Variants in TCEA1 observed in about 807,000 individuals in gnomAD.
TCEA1 encodes transcription elongation factor A protein 1.
A neutral mutation model predicts 43.8 loss-of-function variants in TCEA1; 21 were observed. The observed-to-expected ratio is 0.48, with a 90% CI of 0.34 to 0.69. The LOEUF is 0.69. TCEA1 is among the 30% of genes least tolerant of loss of function. The pLI, the probability that TCEA1 is intolerant of heterozygous loss-of-function variation, is 0.01. For missense variants in TCEA1, 250 were observed against 365.1 expected, an observed-to-expected ratio of 0.68 and a Z score of 2.57; for synonymous variants, 104 against 117.5, an observed-to-expected ratio of 0.88 and a Z score of 0.75.
intron 3 of TCEA1, among the ~76,000 whole-genome samples, chr8:53,997,547 C>A (rs1027668561): frequency 6.6e-6 from 1 of 152,096 alleles, no homozygotes; most frequent in Non-Finnish European, 1.5e-5. Flanking sequence ...GGATGTACAA[C>A]CTGATCTAAT....
At chr8:53,988,020 G>C in intron 5 of TCEA1, 94 bp downstream of exon 5, 1 of 1,479,778 alleles carries the variant, frequency 6.8e-7, no homozygotes, top group South Asian at 1.3e-5. Context: ...GCTATCCACA[G>C]GGTAACACTC....
chr8:54,010,222 GT>G (rs1357312020), intron 2 of TCEA1: 1 of 446,728 alleles, frequency 2.2e-6, no homozygotes, highest in East Asian at 4.7e-5. Context: ...AGAGATTCAG[GT>G]TTTATTCTCC....
intron 5 of TCEA1, 147 bp from the exon 6 acceptor site, chr8:53,987,172 C>G: frequency 1.4e-6 from 1 of 694,952 alleles, no homozygotes; most frequent in Non-Finnish European, 2.5e-6. Flanking sequence ...AGAATCTGAT[C>G]ACTTCACTGC....
chr8:53,983,379 T>C (rs955068157), intron 7 of TCEA1, among the ~76,000 whole-genome samples: 2 of 152,256 alleles, frequency 1.3e-5, no homozygotes, highest in Non-Finnish European at 2.9e-5. Context: ...CTCTCTTCAA[T>C]GTTCACTAAA....
intron 2 of TCEA1, among the ~76,000 whole-genome samples, chr8:54,009,144 C>T (rs1482646932): frequency 1.3e-5 from 2 of 150,034 alleles, no homozygotes; most frequent in East Asian, 2.0e-4. Flanking sequence ...GCGCCTGGCC[C>T]GGATGGCTAC....
chr8:53,970,474 A>G lies in TCEA1; in HGVS notation c.826-11T>C, dbSNP rs373392457. The G allele has an allele frequency of 5.4e-5, 85 of 1,575,222 alleles. No individual in the cohort carries two copies. The highest frequency in any genetic ancestry group is 7.1e-5 in the Non-Finnish European group (82 of 1,151,684). On this transcript the variant is annotated splice_polypyrimidine_tract_variant and intron_variant, in intron 8 of 9. Coordinates refer to ENST00000521604, the MANE Select transcript of TCEA1 (RefSeq NM_006756.4). ...ACTACGGGTTTGTACCTGCAGCAAA[A>G]TTAAATTAAATGTACTTTTTGCAGT...
At chr8:54,016,952 C>G (rs1167185651) in intron 1 of TCEA1, among the ~76,000 whole-genome samples, 2 of 127,326 alleles carry the variant, frequency 1.6e-5, no homozygotes, top group Non-Finnish European at 3.1e-5. Flanking sequence ...CCAGCCTGAG[C>G]GACAGAGCAA....
At chr8:53,975,156 G>C (rs1803291275) in intron 8 of TCEA1, among the ~76,000 whole-genome samples, 1 of 152,050 alleles carries the variant, frequency 6.6e-6, no homozygotes, top group African/African-American at 2.4e-5. Flanking sequence ...TTTTAAAAGA[G>C]AGGGAAATGC....
rs534185784 is a variant in TCEA1, at chr8:53,966,970, A to G, written c.*1134T>C. 0.03 allele frequency: 6,135 copies of G among 201,912 alleles called. 391 individuals are homozygous for G. The highest frequency in any genetic ancestry group is 0.13 in the African/African-American group (5,786 of 43,452). 12.5% of individuals were successfully genotyped at this position (201,912 alleles called of 1,614,324 possible). ...CAAAACAATTTTTGTCTTACTCCAA[A>G]CAGAAAAAATGGTACACACTTTAAC... On this transcript the variant is annotated 3_prime_UTR_variant, in exon 10 of 10. Transcript: ENST00000521604.
chr8:53,996,520 G>A (rs1156590501), intron 3 of TCEA1, among the ~76,000 whole-genome samples: 1 of 152,194 alleles, frequency 6.6e-6, no homozygotes, highest in African/African-American at 2.4e-5. Flanking sequence ...AGTAGCAGTA[G>A]TAGTAAATGT....
intron 2 of TCEA1, among the ~76,000 whole-genome samples, chr8:54,004,597 T>G (rs7846650): frequency 0.13 from 19,186 of 152,096 alleles, 3,192 homozygotes; most frequent in African/African-American, 0.39. Context: ...ACAGAAAGAT[T>G]AGTGGTTGCC....
chr8:54,015,034 A>G (rs1804778156), intron 1 of TCEA1, among the ~76,000 whole-genome samples: 2 of 152,164 alleles, frequency 1.3e-5, no homozygotes, highest in African/African-American at 4.8e-5. Context: ...TACCATAACA[A>G]TAATCTCCAG....
chr8:54,002,009 C>CA (rs200493311), intron 2 of TCEA1, among the ~76,000 whole-genome samples: 1 of 150,036 alleles, frequency 6.7e-6, no homozygotes, highest in African/African-American at 2.5e-5. Flanking sequence ...AACAAACAAA[C>CA]AAAAAACAAA....
intron 7 of TCEA1, among the ~76,000 whole-genome samples, chr8:53,984,039 G>T (rs886986437): frequency 6.6e-6 from 1 of 152,216 alleles, no homozygotes; most frequent in African/African-American, 2.4e-5. Context: ...GGGGGAGGTT[G>T]CGGTGGGCCA....
intron 6 of TCEA1, among the ~76,000 whole-genome samples, chr8:53,986,261 G>A (rs1489381275): frequency 6.6e-6 from 1 of 152,150 alleles, no homozygotes; most frequent in Non-Finnish European, 1.5e-5. Flanking sequence ...CAATCCACCT[G>A]CCTGGTCCTA....
At chr8:54,020,026 C>T (rs758997316) in intron 1 of TCEA1, among the ~76,000 whole-genome samples, 4 of 152,132 alleles carry the variant, frequency 2.6e-5, no homozygotes, top group African/African-American at 7.2e-5. Context: ...AATTTGTTGA[C>T]GATTTGAGAA....
intron 2 of TCEA1, 58 bp downstream of exon 2, chr8:54,010,372 T>G: frequency 3.9e-6 from 5 of 1,292,778 alleles, no homozygotes; most frequent in Non-Finnish European, 4.3e-6. Flanking sequence ...ACTGAAGATG[T>G]TTTGGTATTT....
chr8:53,978,304 T>C (rs1015681629), intron 8 of TCEA1, among the ~76,000 whole-genome samples: 3 of 152,210 alleles, frequency 2.0e-5, no homozygotes, highest in Non-Finnish European at 4.4e-5. Flanking sequence ...TTATCTCCTC[T>C]TGAACTAGTC....
At chr8:53,989,433 C>T (rs566257584) in intron 4 of TCEA1, among the ~76,000 whole-genome samples, 1 of 152,208 alleles carries the variant, frequency 6.6e-6, no homozygotes, top group Admixed American at 6.5e-5. Context: ...GCTACAAGAA[C>T]ATACTCCCTT....
Sources: allele counts gnomAD v4.1 joint callset (sites outside exome capture counted in the v4.1 genomes callset), GRCh38; gene constraint gnomAD v4.1.1; transcripts MANE v1.5; gene names NCBI Gene and HGNC (gene_info 2026-07-23, HGNC 2026-07-21).